ACLY: variants seen among roughly 807,000 people sequenced by gnomAD.
ACLY encodes ATP-citrate synthase.
Under a neutral mutation model 133.0 loss-of-function variants are expected in ACLY, and 41 were observed. That is an observed-to-expected ratio of 0.31 (90% CI 0.24 to 0.40). ACLY has a LOEUF of 0.40. Among genes scored for constraint, ACLY ranks in the 10% least tolerant of loss-of-function variants. The pLI is 1.00. For synonymous variants in ACLY, 495 were observed against 549.3 expected (o/e 0.90, Z 1.38); for missense variants, 1,046 against 1,453.8 (o/e 0.72, Z 4.56).
chr17:41,924,134 T>C (rs1342187812), intron 1 of ACLY, among the ~76,000 whole-genome samples: 9 of 138,292 alleles, frequency 6.5e-5, no homozygotes, highest in Admixed American at 5.5e-4. Context: ...TTTCTTTTTA[T>C]TTATTTATTT....
chr17:41,925,098 C>T (rs1024004522), intron 1 of ACLY, among the ~76,000 whole-genome samples: 1 of 151,458 alleles, frequency 6.6e-6, no homozygotes, highest in Admixed American at 6.6e-5. Flanking sequence ...TGAAGTGGCG[C>T]GATCTCCGCT....
intron 1 of ACLY, among the ~76,000 whole-genome samples, chr17:41,924,424 T>A (rs1196845818): frequency 6.6e-6 from 1 of 151,784 alleles, no homozygotes; most frequent in East Asian, 1.9e-4. Flanking sequence ...TAGGATTACA[T>A]GCGTGAGCCA....
chr17:41,928,272 T>C (rs2050265953), intron 1 of ACLY, among the ~76,000 whole-genome samples: 1 of 152,236 alleles, frequency 6.6e-6, no homozygotes, highest in South Asian at 2.1e-4. Context: ...ATCCAATTGC[T>C]TCAGCACACA....
rs144324620 is a variant in ACLY at position 41,903,820 on chromosome 17, T to C, written c.1065+909A>G. Among the ~76,000 whole-genome samples, 277 of 139,428 alleles carry C rather than the reference T, an allele frequency of 2.0e-3. 4 individuals carry two copies. The highest frequency in any genetic ancestry group is 7.2e-3 in the African/African-American group (267 of 37,038). 91.5% of individuals were successfully genotyped at this position (139,428 alleles called of 152,430 possible). A position where few individuals can be genotyped will look rare whatever the true frequency, so the allele number is the denominator to read the frequency against. On this transcript the variant is annotated intron_variant, in intron 10 of 28. Transcript: ENST00000352035. The stretch of plus-strand genomic sequence containing the variant: ...GAGAACCCAGAGTCTCACGAGAGTG[T>C]TGAAAGTAAGGAGGATCGGTTGGGC...
chr17:41,912,637 C>A, intron 2 of ACLY, 95 bp from the exon 3 acceptor site: 2 of 1,480,342 alleles, frequency 1.4e-6, no homozygotes, highest in South Asian at 1.2e-5. Flanking sequence ...GATTGACTTC[C>A]CATTCACTCT....
upstream of ACLY, among the ~76,000 whole-genome samples, chr17:41,921,924 G>A (rs1450534061): frequency 5.9e-5 from 9 of 152,204 alleles, no homozygotes; most frequent in South Asian, 2.1e-4. Context: ...GGGTGGGCAC[G>A]GTGGCTCGAG....
At chr17:41,876,149 TCTGAGAAGTGAGGAGCCCCTCC>T (rs2048745021) in intron 22 of ACLY, among the ~76,000 whole-genome samples, 11 of 149,872 alleles carry the variant, frequency 7.3e-5, no homozygotes, top group Admixed American at 2.6e-4. Context: ...AGCCGCCCCA[TCTGAGAAGTGAGGAGCCCCTCC>T]GCCCGGCAGC....
At chr17:41,929,173 C>A in intron 1 of ACLY, among the ~76,000 whole-genome samples, 1 of 151,058 alleles carries the variant, frequency 6.6e-6, no homozygotes, top group African/African-American at 2.4e-5. Flanking sequence ...TGGCTCACTG[C>A]AGCCTCGACC....
At chr17:41,875,884 C>T (rs1284211984) in intron 22 of ACLY, among the ~76,000 whole-genome samples, 6 of 152,008 alleles carry the variant, frequency 3.9e-5, no homozygotes, top group Non-Finnish European at 8.8e-5. Flanking sequence ...AAGTGAGGAG[C>T]GTCTCTGCCT....
chr17:41,896,502 GAA>G (rs2049369608), intron 14 of ACLY, 116 bp downstream of exon 14: 1 of 930,926 alleles, frequency 1.1e-6, no homozygotes, highest in Non-Finnish European at 1.6e-6. Context: ...GGCAGGGACA[GAA>G]AATAGACCAG....
intron 18 of ACLY, among the ~76,000 whole-genome samples, chr17:41,884,611 G>A (rs1555627869): frequency 1.3e-5 from 2 of 152,170 alleles, no homozygotes; most frequent in East Asian, 1.9e-4. Flanking sequence ...CCGGCCAGGC[G>A]CAGTGGCTCA....
intron 1 of ACLY, among the ~76,000 whole-genome samples, chr17:41,924,818 C>T (rs1287997544): frequency 6.6e-6 from 1 of 152,084 alleles, no homozygotes; most frequent in African/African-American, 2.4e-5. Context: ...CTCCATGCAG[C>T]CCAACCAGGT....
upstream of ACLY, among the ~76,000 whole-genome samples, chr17:41,921,322 A>C (rs1343011803): frequency 6.6e-6 from 1 of 151,658 alleles, no homozygotes; most frequent in Non-Finnish European, 1.5e-5. Flanking sequence ...CAAAACAAAA[A>C]AATAAACAAA....
rs1555632876 is a variant in ACLY, at chr17:41,907,468, G to C, written c.721C>G (p.Pro241Ala). ...TCTGGATATGCCTCCCGCCCGAAGG[G>C]GGGAGGGAACTCGATGTCACCCCAC... The part of the protein sequence containing the change: ...VKWGDIEFPP[P>A]FGREAYPEEA... The change falls in exon 7 of 29, where the codon CCC becomes GCC. Residue 241 changes from proline (P) to alanine (A), a missense_variant. Around this residue, in one of 4 missense-constraint regions of ACLY, gnomAD observed 575 missense variants for 804.2 expected, o/e 0.71. Transcript: ENST00000352035. 6.8e-6 allele frequency: 11 copies of C among 1,613,938 alleles called. No individual in the cohort carries two copies. The highest frequency in any genetic ancestry group is 2.2e-5 in the East Asian group (1 of 44,860).
At position 41,890,747 on chromosome 17, in the gene ACLY, T is replaced by A. The variant is rs1266257632; in HGVS notation, c.1770+1532A>T. Among the ~76,000 whole-genome samples the A allele has an allele frequency of 3.6e-5, 5 of 139,092 alleles. No homozygotes were observed. The East Asian group carries it at 1.2e-3, about 32-fold the overall frequency. 91.2% of individuals were successfully genotyped at this position (139,092 alleles called of 152,430 possible). A position where few individuals can be genotyped will look rare whatever the true frequency, so the allele number is the denominator to read the frequency against. Reference sequence around the variant, plus strand: ...CAGGTGCAGTGGCTCACTCCTGTAATCCCAGCACTTTGGGAGGCCAAGGTG... The same window carrying A: ...CAGGTGCAGTGGCTCACTCCTGTAAACCCAGCACTTTGGGAGGCCAAGGTG... On this transcript the variant is annotated intron_variant, in intron 16 of 28. Coordinates refer to ENST00000352035, the MANE Select transcript of ACLY (RefSeq NM_001096.3).
chr17:41,877,297 C>T (rs910328711), intron 22 of ACLY, among the ~76,000 whole-genome samples: 10 of 151,928 alleles, frequency 6.6e-5, no homozygotes, highest in East Asian at 1.9e-4. Context: ...CCCACCACCG[C>T]GCCTGGCTAA....
intron 20 of ACLY, among the ~76,000 whole-genome samples, chr17:41,881,416 CAAAAAAAAAAA>C (rs34173466): frequency 7.2e-5 from 3 of 41,592 alleles, no homozygotes; most frequent in East Asian, 7.9e-4. Context: ...GACTCCGTCT[CAAAAAAAAAAA>C]AAAAAAAAAA....
chr17:41,882,367 CAA>C (rs34078258), intron 20 of ACLY, among the ~76,000 whole-genome samples: 3,363 of 39,402 alleles, frequency 0.085, 14 homozygotes, highest in Non-Finnish European at 0.097. Flanking sequence ...ACCCTGTCTC[CAA>C]AAAAAAAAAA....
chr17:41,915,036 C>G (rs1023955663), intron 1 of ACLY, among the ~76,000 whole-genome samples: 1 of 152,128 alleles, frequency 6.6e-6, no homozygotes, highest in Non-Finnish European at 1.5e-5. Context: ...ACCCAAGACT[C>G]GAACCCAAAC....
Sources: allele counts gnomAD v4.1 joint callset (sites outside exome capture counted in the v4.1 genomes callset), GRCh38; gene constraint gnomAD v4.1.1; regional missense constraint gnomAD v4.1.1; transcripts MANE v1.5; gene names NCBI Gene and HGNC (gene_info 2026-07-23, HGNC 2026-07-21).